The following MGAT4C variants were observed in gnomAD, a reference collection of about 807,000 sequenced individuals.
The protein encoded by MGAT4C is alpha-1,3-mannosyl-glycoprotein 4-beta-N-acetylglucosaminyltransferase C.
MGAT4C carries 19 observed loss-of-function variants against 40.1 expected under a neutral mutation model. The ratio of observed to expected loss-of-function variants is 0.47; its 90% CI spans 0.33 to 0.70. The LOEUF (loss-of-function observed/expected upper bound fraction) is 0.70. Among genes scored for constraint, MGAT4C ranks in the 30% least tolerant of loss-of-function variants. The pLI is 0.02. For missense variants in MGAT4C, 491 were observed against 563.2 expected (o/e 0.87, Z 1.30); for synonymous variants, 181 against 187.1 (o/e 0.97, Z 0.27).
At chr12:86,217,762 T>TATATA (rs1465615824) in intron 1 of MGAT4C, among the ~76,000 whole-genome samples, 1 of 152,156 alleles carries the variant, frequency 6.6e-6, no homozygotes, top group Non-Finnish European at 1.5e-5. Flanking sequence ...GAAAAAGCTA[T>TATATA]CAAGTATGAA....
At chr12:86,251,491 A>G (rs750537468) in intron 1 of MGAT4C, among the ~76,000 whole-genome samples, 29 of 152,226 alleles carry the variant, frequency 1.9e-4, no homozygotes, top group Non-Finnish European at 4.4e-5. Flanking sequence ...CTTTAAAAGC[A>G]TCTGCTCTTT....
At chr12:86,408,798 C>G (rs1217315665) in intron 3 of MGAT4C, among the ~76,000 whole-genome samples, 2 of 151,820 alleles carry the variant, frequency 1.3e-5, no homozygotes, top group Non-Finnish European at 2.9e-5. Context: ...AGAGATAGAA[C>G]TTCTGTCTCC....
intron 2 of MGAT4C, among the ~76,000 whole-genome samples, chr12:86,455,838 A>G (rs1957500690): frequency 6.6e-6 from 1 of 152,046 alleles, no homozygotes. Flanking sequence ...CATTATTCGC[A>G]AGGTCTGGTG....
chr12:86,384,487 T>G (rs1160640513), intron 3 of MGAT4C, among the ~76,000 whole-genome samples: 2 of 152,178 alleles, frequency 1.3e-5, no homozygotes, highest in Non-Finnish European at 2.9e-5. Context: ...CCAGCCCCAG[T>G]AAGGCAGGGC....
chr12:86,781,034 G>GTA (rs1158640070), intron 1 of MGAT4C, among the ~76,000 whole-genome samples: 5 of 151,928 alleles, frequency 3.3e-5, no homozygotes, highest in South Asian at 2.1e-4. Context: ...GTGTGTGTGT[G>GTA]TGTATGTATG....
intron 2 of MGAT4C, among the ~76,000 whole-genome samples, chr12:86,660,312 A>T (rs1457882036): frequency 6.6e-6 from 1 of 152,192 alleles, no homozygotes; most frequent in African/African-American, 2.4e-5. Context: ...TGGATGATTG[A>T]TGCCTTGGAA....
intron 3 of MGAT4C, among the ~76,000 whole-genome samples, chr12:86,418,372 A>G (rs1377554645): frequency 2.0e-5 from 3 of 152,002 alleles, no homozygotes; most frequent in Non-Finnish European, 2.9e-5. Context: ...GGAGGCCGAG[A>G]TGTGCAAATC....
chr12:86,264,950 C>T (rs149988525), intron 4 of MGAT4C, among the ~76,000 whole-genome samples: 51 of 152,342 alleles, frequency 3.3e-4, no homozygotes, highest in Non-Finnish European at 6.9e-4. Context: ...GGCTGTGACA[C>T]CCTCTTTGGG....
At chr12:86,177,663 GTA>G (rs1459129699) in intron 1 of MGAT4C, among the ~76,000 whole-genome samples, 3 of 151,936 alleles carry the variant, frequency 2.0e-5, no homozygotes, top group Non-Finnish European at 2.9e-5. Flanking sequence ...AAAAAGTAAA[GTA>G]TTACTCATAA....
intron 2 of MGAT4C, among the ~76,000 whole-genome samples, chr12:86,554,452 A>G (rs1555203953): frequency 1.3e-5 from 2 of 152,170 alleles, no homozygotes; most frequent in Non-Finnish European, 2.9e-5. Context: ...CATATTGCCC[A>G]GCTTTGCTGC....
chr12:86,258,059 G>A (rs914429799), upstream of MGAT4C, among the ~76,000 whole-genome samples: 7 of 151,874 alleles, frequency 4.6e-5, no homozygotes, highest in East Asian at 1.9e-4. Flanking sequence ...AATCAAATGC[G>A]TTAATTTTAA....
chr12:86,059,946 C>T lies in MGAT4C; in HGVS notation c.-56-10223G>A, dbSNP rs142433281. Among the ~76,000 whole-genome samples the T allele has an allele frequency of 3.0e-3, 449 of 152,118 alleles. 3 individuals carry two copies. The highest frequency in any genetic ancestry group is 0.01 in the Middle Eastern group (3 of 294). ...ACGAAGATCTTATACAGAATGAGAACGGGAATAAGGCAGAAAGATTAAGAA... is the reference window on the plus strand; with the variant it reads ...ACGAAGATCTTATACAGAATGAGAATGGGAATAAGGCAGAAAGATTAAGAA... On this transcript the variant is annotated intron_variant, in intron 1 of 4. Coordinates refer to ENST00000611864, the MANE Select transcript of MGAT4C (RefSeq NM_001351288.2).
chr12:86,645,089 C>G (rs1164587806), intron 2 of MGAT4C, among the ~76,000 whole-genome samples: 2 of 151,190 alleles, frequency 1.3e-5, no homozygotes, highest in African/African-American at 4.8e-5. Context: ...AAAATCATAT[C>G]TATATATTAT....
In MGAT4C at chr12:86,113,540, A is replaced by G. The variant is rs555220291; in HGVS notation, c.-56-63817T>C. 3.9e-5 allele frequency among the ~76,000 whole-genome samples: 6 copies of G among 152,040 alleles called. No individual in the cohort carries two copies. In the South Asian group the frequency reaches 1.2e-3, roughly 32 times the overall value. On this transcript the variant is annotated intron_variant, in intron 1 of 4. Transcript: ENST00000611864. ...TTAAAGCATAAAAAAGAATGCAAAC[A>G]TGAAAAGGAAAAGGAGAAGTAGAGC... is the stretch of plus-strand genomic sequence containing the variant.
At chr12:86,314,320 GC>G (rs1230511117) in intron 4 of MGAT4C, among the ~76,000 whole-genome samples, 1 of 152,134 alleles carries the variant, frequency 6.6e-6, no homozygotes, top group African/African-American at 2.4e-5. Flanking sequence ...ATTTTGGGAG[GC>G]CCAGGTGGGC....
intron 1 of MGAT4C, among the ~76,000 whole-genome samples, chr12:86,213,744 T>C (rs956028086): frequency 3.9e-5 from 6 of 152,246 alleles, no homozygotes; most frequent in African/African-American, 1.2e-4. Flanking sequence ...CTAACAAAGA[T>C]GTTTGCCTGT....
Position 86,134,478 on chromosome 12 carries a change from T to C in MGAT4C, c.-56-84755A>G, listed in dbSNP as rs530196373. ...TTTTGTTGTAAGTAGGGTTTATAAA[T>C]TTAAGGACCACCCTTCATCCACCAG... On this transcript the variant is annotated intron_variant, in intron 1 of 4. Transcript: ENST00000611864. Among the ~76,000 whole-genome samples, 55 of 152,206 alleles carry C rather than the reference T, an allele frequency of 3.6e-4. No homozygotes were observed. The South Asian group carries it at 0.011, about 30-fold the overall frequency.
intron 2 of MGAT4C, among the ~76,000 whole-genome samples, chr12:86,539,582 ACTTGAGGAATCGCCACACTGTCTTCCAC>A (rs1415344825): frequency 6.6e-6 from 1 of 152,172 alleles, no homozygotes; most frequent in Non-Finnish European, 1.5e-5. Context: ...AGTTCTAGAT[ACTTGAGGAATCGCCACACTGTCTTCCAC>A]AATGGTTGAA....
At chr12:86,186,963 A>G (rs886075143) in intron 1 of MGAT4C, among the ~76,000 whole-genome samples, 1 of 152,128 alleles carries the variant, frequency 6.6e-6, no homozygotes, top group Non-Finnish European at 1.5e-5. Flanking sequence ...GCAGCCATGA[A>G]TAATCTATAT....
Sources: gnomAD v4.1 joint callset for allele counts (sites outside exome capture counted in the v4.1 genomes callset) on GRCh38, gnomAD v4.1.1 for gene constraint, MANE v1.5 for transcripts, NCBI Gene and HGNC (gene_info 2026-07-23, HGNC 2026-07-21) for gene names.